PACRGL: variants seen among roughly 807,000 people sequenced by gnomAD.
PACRGL encodes the protein parkin coregulated like.
PACRGL carries 38 observed loss-of-function variants against 34.5 expected under a neutral mutation model. The observed-to-expected ratio is 1.10, with a 90% CI of 0.85 to 1.44. The LOEUF (loss-of-function observed/expected upper bound fraction) is 1.44. PACRGL is among the 40% of genes most tolerant of loss of function. The pLI is 0.00. For missense variants in PACRGL, 305 were observed against 281.4 expected, an observed-to-expected ratio of 1.08 and a Z score of -0.60; for synonymous variants, 128 against 100.1, an observed-to-expected ratio of 1.28 and a Z score of -1.66.
chr4:20,748,993 G>A (rs931014912), intron 8 of PACRGL, among the ~76,000 whole-genome samples: 3 of 150,906 alleles, frequency 2.0e-5, no homozygotes, highest in Non-Finnish European at 4.4e-5. Context: ...AGTTCATGAA[G>A]GAAATTAAAT....
intron 8 of PACRGL, among the ~76,000 whole-genome samples, chr4:20,738,983 C>T (rs1176021774): frequency 1.3e-5 from 2 of 152,210 alleles, no homozygotes; most frequent in African/African-American, 2.4e-5. Flanking sequence ...CAGAGCCTTG[C>T]TCACTGCTAT....
chr4:20,732,801 C>A, downstream of PACRGL: 1 of 1,468,628 alleles, frequency 6.8e-7, no homozygotes, highest in Non-Finnish European at 9.5e-7. Context: ...AAATAAAAGG[C>A]ACTCACGTGA....
At chr4:20,706,638 C>G (rs1405211483) in intron 3 of PACRGL, among the ~76,000 whole-genome samples, 1 of 151,644 alleles carries the variant, frequency 6.6e-6, no homozygotes, top group East Asian at 1.9e-4. Context: ...TGCAGTGGCA[C>G]AATCTTGGTT....
intron 4 of PACRGL, 31 bp from the exon 5 acceptor site, chr4:20,709,652 C>T: frequency 7.3e-7 from 1 of 1,361,182 alleles, no homozygotes; most frequent in Non-Finnish European, 1.0e-6. Context: ...TTATATTTTT[C>T]TTGTTGCATT....
rs763978425 is a variant in PACRGL at position 20,724,855 on chromosome 4, C to T, written c.657C>T (p.Ser219=). 39 of 1,495,822 alleles carry T rather than the reference C, an allele frequency of 2.6e-5. No individual in the cohort carries two copies. The highest frequency in any genetic ancestry group is 1.7e-4 in the Middle Eastern group (1 of 5,762). 92.7% of individuals were successfully genotyped at this position (1,495,822 alleles called of 1,614,324 possible). ...MDKKFKEPIT[S]ALQKLEQHGG... ...AGAAATTCAAAGAGCCAATCACCAG[C>T]GCATTACAAAAGCTAGAGCAACATG... Residue 219 remains serine (S), a synonymous_variant, in exon 8 of 9, where the codon AGC becomes AGT. Transcript: ENST00000503585.
chr4:20,712,664 A>C, intron 5 of PACRGL, 124 bp from the exon 6 acceptor site: 1 of 890,570 alleles, frequency 1.1e-6, no homozygotes, highest in African/African-American at 1.7e-5. Context: ...CTGAAATTAT[A>C]ATCATGATTA....
intron 8 of PACRGL, among the ~76,000 whole-genome samples, chr4:20,750,033 G>T (rs1753307832): frequency 6.6e-6 from 1 of 152,180 alleles, no homozygotes; most frequent in Admixed American, 6.5e-5. Flanking sequence ...AGGTGGATGT[G>T]AAGATTGAGA....
chr4:20,722,987 C>T (rs1359808043), intron 7 of PACRGL, among the ~76,000 whole-genome samples: 2 of 152,070 alleles, frequency 1.3e-5, no homozygotes, highest in Non-Finnish European at 2.9e-5. Flanking sequence ...ACTTCCTATT[C>T]CACAACTAGG....
chr4:20,712,771 C>G lies in PACRGL; in HGVS notation c.367-17C>G. 8 of 1,456,608 alleles carry G rather than the reference C, an allele frequency of 5.5e-6. No individual in the cohort carries two copies. The highest frequency in any genetic ancestry group is 7.3e-6 in the Non-Finnish European group (8 of 1,090,888). 90.2% of individuals were successfully genotyped at this position (1,456,608 alleles called of 1,614,324 possible). A position where few individuals can be genotyped will look rare whatever the true frequency, so the allele number is the denominator to read the frequency against. ...TGAAATGGGTAGTAAATCATGTTTC[C>G]TCTTGGTCTTTGTCAGGGTCTGAGA... On this transcript the variant is annotated splice_polypyrimidine_tract_variant and intron_variant, in intron 5 of 8. Transcript: ENST00000503585.
intron 1 of PACRGL, among the ~76,000 whole-genome samples, chr4:20,703,433 A>G (rs1733087573): frequency 6.6e-6 from 1 of 151,768 alleles, no homozygotes; most frequent in Admixed American, 6.6e-5. Flanking sequence ...GGAAGTTGGG[A>G]ATGAAGCTTG....
downstream of PACRGL, among the ~76,000 whole-genome samples, chr4:20,735,498 C>CTTGA (rs1449414183): frequency 2.7e-5 from 4 of 147,524 alleles, no homozygotes; most frequent in Admixed American, 2.7e-4. Flanking sequence ...GCCAGATTAA[C>CTTGA]TTGATTAAAT....
At position 20,752,033 on chromosome 4, in the gene PACRGL, A is replaced by G. The variant is rs75945068; in HGVS notation, c.*57-532A>G. Among the ~76,000 whole-genome samples the G allele has an allele frequency of 2.8e-3, 427 of 150,354 alleles. 1 individual carries two copies. Among genetic ancestry groups the G allele is most frequent in the African/African-American group, 0.01 (411 of 40,956 alleles). Reference sequence around the variant, plus strand: ...TTTCCTCATCTACAAAATGATAACAATATCAGTATGTACTTCATAGAGTTT... The same window carrying G: ...TTTCCTCATCTACAAAATGATAACAGTATCAGTATGTACTTCATAGAGTTT... On this transcript the variant is annotated intron_variant, in intron 8 of 8. Transcript: ENST00000507634.
chr4:20,713,235 A>C (rs1228554824), intron 6 of PACRGL, 197 bp from the exon 7 acceptor site: 1 of 579,478 alleles, frequency 1.7e-6, no homozygotes, highest in African/African-American at 1.9e-5. Context: ...CAGATGGAAA[A>C]TTTGTTTTTT....
chr4:20,751,393 T>C lies in PACRGL; in HGVS notation c.*57-1172T>C, dbSNP rs910101215. ...GTTCTGTTGTTGGGAAGCTCCATTA[T>C]AGAGTTATCAAGAATTGGCAGCCTA... On this transcript the variant is annotated intron_variant, in intron 8 of 8. Coordinates refer to the PACRGL transcript ENST00000507634. 2.0e-5 allele frequency among the ~76,000 whole-genome samples: 3 copies of C among 152,308 alleles called. No individual in the cohort carries two copies. In the East Asian group the frequency reaches 5.8e-4, roughly 29 times the overall value.
chr4:20,742,749 C>T (rs1403223517), intron 8 of PACRGL, among the ~76,000 whole-genome samples: 1 of 152,078 alleles, frequency 6.6e-6, no homozygotes, highest in East Asian at 1.9e-4. Context: ...AAAGGGTATT[C>T]AATTAGGGAA....
rs1560379556 is a variant in PACRGL, at chr4:20,727,652, T to TAA, written c.*312_*313dup. On this transcript the variant is annotated 3_prime_UTR_variant, in exon 9 of 9. Transcript: ENST00000503585. ...GTATTTTCTAGTGTCTTTTTATTTA[T>TAA]AACAACACTTTTTTGGCAATCAGTT... The TAA allele has an allele frequency of 9.1e-6, 2 of 220,248 alleles. No homozygotes were observed. Among genetic ancestry groups the TAA allele is most frequent in the Admixed American group, 5.3e-5 (1 of 18,724 alleles). The allele number at this position is 220,248 out of a possible 1,614,324, so 13.6% of individuals were successfully genotyped here.
downstream of PACRGL, chr4:20,732,683 G>GA: frequency 6.2e-7 from 1 of 1,603,826 alleles, no homozygotes; most frequent in Non-Finnish European, 8.5e-7. Flanking sequence ...ATTCCTACCT[G>GA]AAAAAATGTT....
chr4:20,743,364 A>T (rs1015192826), intron 8 of PACRGL, among the ~76,000 whole-genome samples: 10 of 152,222 alleles, frequency 6.6e-5, no homozygotes, highest in Non-Finnish European at 1.2e-4. Context: ...GCCTGACTTC[A>T]AACTATACTA....
chr4:20,722,274 G>T (rs144497874), intron 7 of PACRGL, among the ~76,000 whole-genome samples: 4 of 152,210 alleles, frequency 2.6e-5, no homozygotes, highest in African/African-American at 7.2e-5. Context: ...TGCGCTTCCC[G>T]GGTGAGGCGA....
Sources: gnomAD v4.1 joint callset for allele counts (sites outside exome capture counted in the v4.1 genomes callset) on GRCh38, gnomAD v4.1.1 for gene constraint, MANE v1.5 for transcripts, NCBI Gene and HGNC (gene_info 2026-07-23, HGNC 2026-07-21) for gene names.